Variants in CREM observed in about 807,000 individuals in gnomAD.
CREM encodes the protein cAMP-responsive element modulator.
In CREM, 13 loss-of-function variants were observed where a neutral mutation model predicts 37.3. The ratio of observed to expected loss-of-function variants is 0.35; its 90% CI spans 0.23 to 0.55. The LOEUF is 0.55. Ranked by LOEUF, CREM falls within the 20% of genes least tolerant of loss-of-function variation. The probability of loss-of-function intolerance (pLI) is 0.88; values close to 1 mark genes in which losing one functional copy is unlikely to be tolerated. For missense variants in CREM, 296 were observed against 362.3 expected (o/e 0.82, Z 1.49); for synonymous variants, 124 against 120.2 (o/e 1.03, Z -0.21).
chr10:35,207,618 A>G (rs565343773), intron 7 of CREM, among the ~76,000 whole-genome samples: 6 of 152,190 alleles, frequency 3.9e-5, no homozygotes, highest in Admixed American at 2.0e-4. Context: ...TACTAAAAAT[A>G]CAAAAATTAG....
At chr10:35,146,918 A>G (rs1395344607) in intron 2 of CREM, among the ~76,000 whole-genome samples, 3 of 152,178 alleles carry the variant, frequency 2.0e-5, no homozygotes, top group Admixed American at 6.5e-5. Flanking sequence ...TTTTAATTCA[A>G]AGATCTAAGT....
chr10:35,159,453 A>G (rs1264191147), intron 3 of CREM, among the ~76,000 whole-genome samples: 2 of 152,256 alleles, frequency 1.3e-5, no homozygotes, highest in Non-Finnish European at 2.9e-5. Context: ...ATATTCAACA[A>G]AAATGGCAGG....
intron 3 of CREM, chr10:35,167,790 A>G (rs2132533849): frequency 1.2e-6 from 2 of 1,613,912 alleles, no homozygotes; most frequent in Non-Finnish European, 8.5e-7. Context: ...TCTTCAGGGG[A>G]TGTGGAAGAA....
chr10:35,162,888 G>A (rs1055130744), intron 3 of CREM, among the ~76,000 whole-genome samples: 6 of 152,252 alleles, frequency 3.9e-5, no homozygotes, highest in African/African-American at 1.2e-4. Context: ...GCAAATCATG[G>A]CCACCAGAAA....
intron 6 of CREM, among the ~76,000 whole-genome samples, chr10:35,204,102 C>T (rs2095458376): frequency 6.6e-6 from 1 of 152,178 alleles, no homozygotes; most frequent in Admixed American, 6.5e-5. Context: ...TTCTCTGCTC[C>T]ACTCCATCTC....
intron 2 of CREM, among the ~76,000 whole-genome samples, chr10:35,143,259 G>A (rs1160280270): frequency 2.0e-5 from 3 of 152,188 alleles, no homozygotes; most frequent in East Asian, 1.9e-4. Context: ...GTGAGCCACC[G>A]TGCCGGGCTG....
At chr10:35,180,694 T>C (rs1348834321) in intron 5 of CREM, among the ~76,000 whole-genome samples, 2 of 152,224 alleles carry the variant, frequency 1.3e-5, no homozygotes, top group East Asian at 3.8e-4. Flanking sequence ...ACATGCTCTT[T>C]TGTCTGGCAC....
intron 7 of CREM, among the ~76,000 whole-genome samples, chr10:35,207,401 T>A (rs1010625282): frequency 1.3e-5 from 2 of 150,618 alleles, no homozygotes; most frequent in South Asian, 2.1e-4. Flanking sequence ...CTCAAAAAAA[T>A]AATAAAACAA....
In CREM at chr10:35,179,284, T is replaced by C. The variant is rs766483143; in HGVS notation, c.409+8T>C. On this transcript the variant is annotated splice_region_variant and intron_variant, in intron 5 of 7. Transcript: ENST00000685392. The stretch of plus-strand genomic sequence containing the variant: ...CTAGCACGGGGCAATACAGTATGTA[T>C]GCTGCAATTCGATATGATACAGTGC... 19 of 1,613,496 alleles carry C rather than the reference T, an allele frequency of 1.2e-5. No homozygotes were observed. The highest frequency in any genetic ancestry group is 9.3e-6 in the Non-Finnish European group (11 of 1,179,848).
intron 3 of CREM, among the ~76,000 whole-genome samples, chr10:35,163,855 A>G (rs1167212147): frequency 2.6e-5 from 4 of 151,802 alleles, no homozygotes; most frequent in African/African-American, 9.7e-5. Flanking sequence ...AAAAACAATT[A>G]GTTGAGTGTG....
At chr10:35,149,363 C>T (rs2092407071) in intron 3 of CREM, among the ~76,000 whole-genome samples, 1 of 152,170 alleles carries the variant, frequency 6.6e-6, no homozygotes. Flanking sequence ...TTGAGTTTAA[C>T]TGGAGCCAGG....
chr10:35,171,111 A>G (rs2093793775), intron 3 of CREM: 1 of 134,034 alleles, frequency 7.5e-6, no homozygotes, highest in South Asian at 2.7e-4. Flanking sequence ...GATATGGTTT[A>G]TGTTAGCGGG....
chr10:35,155,477 TA>T (rs2092835905), intron 3 of CREM, among the ~76,000 whole-genome samples: 1 of 152,186 alleles, frequency 6.6e-6, no homozygotes, highest in African/African-American at 2.4e-5. Flanking sequence ...AAACTACACT[TA>T]AACAGTGAAT....
chr10:35,139,983 A>C (rs1176807345), intron 2 of CREM, among the ~76,000 whole-genome samples: 1 of 152,202 alleles, frequency 6.6e-6, no homozygotes, highest in Non-Finnish European at 1.5e-5. Flanking sequence ...AATCTTCTGC[A>C]CTGAGTCCTG....
At chr10:35,162,676 A>G (rs2093355276) in intron 3 of CREM, among the ~76,000 whole-genome samples, 1 of 152,094 alleles carries the variant, frequency 6.6e-6, no homozygotes, top group Non-Finnish European at 1.5e-5. Context: ...AGCCGCTGTC[A>G]TCCTTTACAA....
intron 2 of CREM, among the ~76,000 whole-genome samples, chr10:35,145,853 T>A (rs188171094): frequency 1.3e-5 from 2 of 152,250 alleles, no homozygotes; most frequent in African/African-American, 4.8e-5. Flanking sequence ...ATAAACTGTG[T>A]TTCTCAAATT....
rs187106384 is a variant in CREM at position 35,145,207 on chromosome 10, C to T, written c.45-3161C>T. Among the ~76,000 whole-genome samples the T allele has an allele frequency of 3.2e-4, 49 of 151,088 alleles. 1 individual carries two copies. In the East Asian group the frequency reaches 7.4e-3, roughly 23 times the overall value. On this transcript the variant is annotated intron_variant, in intron 2 of 7. Coordinates refer to ENST00000685392, the MANE Select transcript of CREM (RefSeq NM_183011.2). ...GTATTATTCCTAATTTAATTCCATG[C>T]AGCCTTTCCAGCCCTATTTGTACCA...
At chr10:35,132,753 C>A (rs1589188368) in intron 1 of CREM, among the ~76,000 whole-genome samples, 1 of 152,288 alleles carries the variant, frequency 6.6e-6, no homozygotes, top group East Asian at 1.9e-4. Context: ...AAATGCATAA[C>A]CATAGTCTCA....
intron 3 of CREM, among the ~76,000 whole-genome samples, chr10:35,156,750 A>G (rs993797672): frequency 2.6e-5 from 4 of 152,222 alleles, no homozygotes; most frequent in African/African-American, 9.6e-5. Flanking sequence ...TGGTTTTCTT[A>G]AAAGGTATAG....
Sources: allele counts gnomAD v4.1 joint callset (sites outside exome capture counted in the v4.1 genomes callset), GRCh38; gene constraint gnomAD v4.1.1; transcripts MANE v1.5; gene names NCBI Gene and HGNC (gene_info 2026-07-23, HGNC 2026-07-21).